Variants in KIAA1217 observed in about 807,000 individuals in gnomAD.
The protein encoded by KIAA1217 is KIAA1217.
Under a neutral mutation model 163.9 loss-of-function variants are expected in KIAA1217, and 88 were observed. The ratio of observed to expected loss-of-function variants is 0.54; its 90% CI spans 0.45 to 0.64. KIAA1217 has a LOEUF of 0.64. Ranked by LOEUF, KIAA1217 falls within the 30% of genes least tolerant of loss-of-function variation. KIAA1217 has a pLI of 0.00. For missense variants in KIAA1217, 2,372 were observed against 2,475.0 expected, an observed-to-expected ratio of 0.96 and a Z score of 0.88; for synonymous variants, 903 against 923.1, an observed-to-expected ratio of 0.98 and a Z score of 0.39.
chr10:24,165,744 G>A (rs530897003), intron 2 of KIAA1217, among the ~76,000 whole-genome samples: 46 of 152,288 alleles, frequency 3.0e-4, no homozygotes, highest in Non-Finnish European at 6.0e-4. Context: ...ATGGTTGAAG[G>A]CCATAACTGG....
chr10:23,881,351 G>C (rs550786195), intron 1 of KIAA1217, among the ~76,000 whole-genome samples: 14 of 152,044 alleles, frequency 9.2e-5, no homozygotes, highest in African/African-American at 3.1e-4. Context: ...GGTTGCTAGA[G>C]TACATCTCAG....
At chr10:24,260,704 C>T (rs577124910) in intron 2 of KIAA1217, among the ~76,000 whole-genome samples, 2 of 151,532 alleles carry the variant, frequency 1.3e-5, no homozygotes, top group African/African-American at 4.8e-5. Flanking sequence ...ATGATTGAGC[C>T]ACTGCCCTCC....
intron 8 of KIAA1217, among the ~76,000 whole-genome samples, chr10:24,500,337 G>A (rs1434236568): frequency 6.6e-6 from 1 of 151,476 alleles, no homozygotes; most frequent in African/African-American, 2.4e-5. Context: ...GCATGCGTGT[G>A]TGTGTGTGCG....
Position 24,448,001 on chromosome 10 carries a change from G to A in KIAA1217, c.846+9522G>A, listed in dbSNP as rs184286927. Among the ~76,000 whole-genome samples the A allele has an allele frequency of 5.4e-3, 821 of 151,988 alleles. 10 individuals are homozygous for A. The highest frequency in any genetic ancestry group is 0.018 in the African/African-American group (749 of 41,464). On this transcript the variant is annotated intron_variant, in intron 5 of 20. Transcript: ENST00000376454. ...AAAAATTAGCTGGGTGTGGTGGCGC[G>A]TGCCTATAGTCCCAGCTACTCAGGA...
chr10:23,918,733 T>TATATACACACAC (rs769797460), intron 1 of KIAA1217, among the ~76,000 whole-genome samples: 65 of 147,580 alleles, frequency 4.4e-4, no homozygotes, highest in African/African-American at 1.4e-3. Context: ...ATTAAATATA[T>TATATACACACAC]ACACACACAC....
intron 1 of KIAA1217, among the ~76,000 whole-genome samples, chr10:24,217,076 A>G (rs1381167036): frequency 4.0e-5 from 6 of 149,342 alleles, no homozygotes; most frequent in Admixed American, 3.4e-4. Flanking sequence ...GTGTTAGATC[A>G]AGTATACAAC....
At chr10:24,208,878 C>A, upstream of KIAA1217, 2 of 260,242 alleles carry the variant, frequency 7.7e-6, no homozygotes, top group Non-Finnish European at 1.5e-5. Context: ...CCCCCCCACA[C>A]CCCCGCATCG....
At chr10:23,784,810 A>G (rs961172611) in intron 1 of KIAA1217, among the ~76,000 whole-genome samples, 3 of 152,134 alleles carry the variant, frequency 2.0e-5, no homozygotes, top group African/African-American at 7.2e-5. Flanking sequence ...TCCTTTATAA[A>G]TGAATGTAGC....
chr10:24,322,628 T>G (rs892649946), intron 2 of KIAA1217, among the ~76,000 whole-genome samples: 11 of 152,182 alleles, frequency 7.2e-5, no homozygotes, highest in Non-Finnish European at 1.3e-4. Flanking sequence ...CCATAAAAAT[T>G]AAAAACTATT....
Position 23,942,476 on chromosome 10 carries a change from T to G in KIAA1217, c.-320-64749T>G, listed in dbSNP as rs566412818. The stretch of plus-strand genomic sequence containing the variant: ...CAAGATCTATTAATTTGATTTCAGA[T>G]CATCAGAAATTATACGTTATGAAAA... On this transcript the variant is annotated intron_variant, in intron 1 of 18. Transcript: ENST00000376462. 6.6e-5 allele frequency among the ~76,000 whole-genome samples: 10 copies of G among 152,312 alleles called. No individual in the cohort carries two copies. In the South Asian group the frequency reaches 2.1e-3, roughly 32 times the overall value.
intron 5 of KIAA1217, among the ~76,000 whole-genome samples, chr10:24,441,702 T>C (rs2060509688): frequency 6.6e-6 from 1 of 152,176 alleles, no homozygotes; most frequent in African/African-American, 2.4e-5. Flanking sequence ...ATTGCGTGGC[T>C]TTTGTTTCCT....
chr10:24,065,377 T>G (rs1029024254), intron 2 of KIAA1217, among the ~76,000 whole-genome samples: 1 of 152,240 alleles, frequency 6.6e-6, no homozygotes, highest in Non-Finnish European at 1.5e-5. Context: ...AACATCTTTA[T>G]TTCTGCCTTC....
chr10:24,008,205 GA>G (rs1847088526), intron 2 of KIAA1217, among the ~76,000 whole-genome samples: 1 of 142,852 alleles, frequency 7.0e-6, no homozygotes, highest in Non-Finnish European at 1.5e-5. Context: ...TAGATAGATA[GA>G]TTATTTATCT....
chr10:24,490,779 A>G lies in KIAA1217; in HGVS notation c.1680-3721A>G, dbSNP rs547211782. On this transcript the variant is annotated intron_variant, in intron 6 of 20. Coordinates refer to ENST00000376454, the MANE Select transcript of KIAA1217 (RefSeq NM_019590.5). The stretch of plus-strand genomic sequence containing the variant: ...CTACTGTCAAGCATCTGAACTCTCC[A>G]GGGGGGATGTCAGATGAGAAGCCAC... Among the ~76,000 whole-genome samples, 16 of 152,258 alleles carry G rather than the reference A, an allele frequency of 1.1e-4. No homozygotes were observed. The East Asian group carries it at 3.1e-3, about 29-fold the overall frequency.
intron 2 of KIAA1217, among the ~76,000 whole-genome samples, chr10:24,241,552 T>C (rs2131307274): frequency 6.6e-6 from 1 of 152,262 alleles, no homozygotes; most frequent in South Asian, 2.1e-4. Context: ...ATTTTAATGT[T>C]ACAGGTATTT....
intron 1 of KIAA1217, among the ~76,000 whole-genome samples, chr10:23,977,688 G>T (rs1278983547): frequency 6.6e-6 from 1 of 152,122 alleles, no homozygotes; most frequent in Non-Finnish European, 1.5e-5. Flanking sequence ...ACCTGTAAAA[G>T]ATTTCATTGC....
Position 23,802,377 on chromosome 10 carries a change from G to A in KIAA1217, c.-321+107143G>A, listed in dbSNP as rs1199033256. On this transcript the variant is annotated intron_variant, in intron 1 of 18. Coordinates refer to the KIAA1217 transcript ENST00000376462. Reference sequence around the variant, plus strand: ...TTAGTTAGGAAATATTGTTCCAATAGTACAACATGGCCACATGAATGTTCC... The same window carrying A: ...TTAGTTAGGAAATATTGTTCCAATAATACAACATGGCCACATGAATGTTCC... 2.0e-5 allele frequency among the ~76,000 whole-genome samples: 3 copies of A among 152,190 alleles called. No homozygotes were observed. The East Asian group carries it at 5.8e-4, about 29-fold the overall frequency.
At chr10:23,738,496 G>C (rs1281164253) in intron 1 of KIAA1217, among the ~76,000 whole-genome samples, 1 of 151,998 alleles carries the variant, frequency 6.6e-6, no homozygotes, top group Non-Finnish European at 1.5e-5. Context: ...TTGATTTTCT[G>C]CGTGCCTGCT....
chr10:24,189,817 AC>A (rs2066628876), intron 2 of KIAA1217, among the ~76,000 whole-genome samples: 1 of 152,096 alleles, frequency 6.6e-6, no homozygotes, highest in African/African-American at 2.4e-5. Context: ...GGAGTTTGAG[AC>A]CAGCCGGGGC....
Sources: allele counts gnomAD v4.1 joint callset (sites outside exome capture counted in the v4.1 genomes callset), GRCh38; gene constraint gnomAD v4.1.1; transcripts MANE v1.5; gene names NCBI Gene and HGNC (gene_info 2026-07-23, HGNC 2026-07-21).